The following FGD5 variants were observed in gnomAD, a reference collection of about 807,000 sequenced individuals.
FGD5 encodes the protein FYVE, RhoGEF and PH domain-containing protein 5.
FGD5 carries 28 observed loss-of-function variants against 133.4 expected under a neutral mutation model. That is an observed-to-expected ratio of 0.21 (90% CI 0.16 to 0.29). The LOEUF is 0.29. Among genes scored for constraint, FGD5 ranks in the 10% least tolerant of loss-of-function variants. FGD5 has a pLI of 1.00. For synonymous variants in FGD5, 810 were observed against 776.5 expected (o/e 1.04, Z -0.72); for missense variants, 1,858 against 1,895.2 (o/e 0.98, Z 0.36).
rs376172468 is a variant in FGD5, at chr3:14,933,110, C to A, written c.4353-21C>A. On this transcript the variant is annotated intron_variant, in intron 19 of 19. Coordinates refer to ENST00000285046, the MANE Select transcript of FGD5 (RefSeq NM_152536.4). ...TAGGCAGAGCCGCAAAACCAAATGTCCTCCCTGTTTTGTTTTATAGGTGGA... is the reference window on the plus strand; with the variant it reads ...TAGGCAGAGCCGCAAAACCAAATGTACTCCCTGTTTTGTTTTATAGGTGGA... 2.2e-4 allele frequency: 362 copies of A among 1,612,366 alleles called. 2 individuals carry two copies. In the African/African-American group the frequency reaches 4.2e-3, roughly 19 times the overall value.
chr3:14,839,470 A>G (rs999015899), intron 1 of FGD5, among the ~76,000 whole-genome samples: 9 of 152,150 alleles, frequency 5.9e-5, no homozygotes, highest in Non-Finnish European at 1.2e-4. Context: ...CACCTCCCCA[A>G]GATAATCTGA....
chr3:14,850,034 T>A (rs1227544556), intron 1 of FGD5, among the ~76,000 whole-genome samples: 1 of 152,198 alleles, frequency 6.6e-6, no homozygotes, highest in Non-Finnish European at 1.5e-5. Context: ...TGTGTGGTTA[T>A]TAAATTATAG....
At chr3:14,823,184 A>G (rs1315589687) in intron 1 of FGD5, among the ~76,000 whole-genome samples, 1 of 152,200 alleles carries the variant, frequency 6.6e-6, no homozygotes, top group African/African-American at 2.4e-5. Context: ...GACAAGACCC[A>G]TCCCCCAGCT....
chr3:14,832,351 C>T (rs950311738), intron 1 of FGD5, among the ~76,000 whole-genome samples: 10 of 152,036 alleles, frequency 6.6e-5, no homozygotes, highest in Non-Finnish European at 1.0e-4. Context: ...GAAAAACCAC[C>T]CTGAGACATA....
chr3:14,877,999 G>A (rs1222977036), intron 2 of FGD5, among the ~76,000 whole-genome samples: 1 of 152,220 alleles, frequency 6.6e-6, no homozygotes, highest in Non-Finnish European at 1.5e-5. Context: ...GAGAAACCCT[G>A]GGGTGGAAAA....
intron 1 of FGD5, 170 bp downstream of exon 1, chr3:14,821,766 G>C: frequency 1.0e-6 from 1 of 979,992 alleles, no homozygotes. Context: ...TACTTCATCC[G>C]TGAAATGGGA....
chr3:14,913,764 C>T (rs1304070562), intron 11 of FGD5, among the ~76,000 whole-genome samples: 3 of 152,194 alleles, frequency 2.0e-5, no homozygotes, highest in Admixed American at 6.5e-5. Flanking sequence ...CCTCGTCCTC[C>T]ACTTCATCTG....
chr3:14,821,627 G>T, intron 1 of FGD5, 31 bp downstream of exon 1: 4 of 1,524,860 alleles, frequency 2.6e-6, no homozygotes, highest in Non-Finnish European at 3.5e-6. Flanking sequence ...TTTCTTGTTC[G>T]GCAGCTGTAA....
rs542281518 is a variant in FGD5 at position 14,878,290 on chromosome 3, G to C, written c.2659-2282G>C. ...GAGGTCATACCATGAAACAGTGCTG[G>C]AGCTGGGTTTGAAATGGATGTGATT... On this transcript the variant is annotated intron_variant, in intron 2 of 19. Coordinates refer to ENST00000285046, the MANE Select transcript of FGD5 (RefSeq NM_152536.4). 5.3e-5 allele frequency among the ~76,000 whole-genome samples: 8 copies of C among 152,280 alleles called. No homozygotes were observed. In the East Asian group the frequency reaches 1.5e-3, roughly 29 times the overall value.
chr3:14,832,816 C>G (rs1398992671), intron 1 of FGD5, among the ~76,000 whole-genome samples: 1 of 152,068 alleles, frequency 6.6e-6, no homozygotes, highest in Non-Finnish European at 1.5e-5. Context: ...ACTTGGACAG[C>G]CTACAGAGAC....
chr3:14,871,777 G>A (rs1291842299), intron 2 of FGD5, among the ~76,000 whole-genome samples: 1 of 152,222 alleles, frequency 6.6e-6, no homozygotes, highest in Non-Finnish European at 1.5e-5. Context: ...TTCTGTGGCT[G>A]AGTTTCCTCA....
chr3:14,834,138 T>G (rs1181746466), intron 1 of FGD5, among the ~76,000 whole-genome samples: 1 of 152,228 alleles, frequency 6.6e-6, no homozygotes, highest in Non-Finnish European at 1.5e-5. Flanking sequence ...ATTGTCATGG[T>G]GGATAGAAGT....
chr3:14,926,323 T>A, intron 18 of FGD5, 125 bp downstream of exon 18: 1 of 1,314,094 alleles, frequency 7.6e-7, no homozygotes, highest in Non-Finnish European at 1.1e-6. Flanking sequence ...CTGGTGGCAG[T>A]CAAGTCTTTA....
At chr3:14,918,686 C>T in intron 12 of FGD5, 68 bp from the exon 13 acceptor site, 1 of 1,503,312 alleles carries the variant, frequency 6.7e-7, no homozygotes, top group Non-Finnish European at 9.2e-7. Flanking sequence ...CATCTGCTGC[C>T]AGGAGAAGCC....
At chr3:14,909,980 G>T (rs1047675104) in intron 10 of FGD5, among the ~76,000 whole-genome samples, 2 of 151,704 alleles carry the variant, frequency 1.3e-5, no homozygotes, top group Non-Finnish European at 2.9e-5. Context: ...TGGCCAGGCT[G>T]GTTTTGAACT....
chr3:14,886,879 T>C (rs1309087102), intron 4 of FGD5, among the ~76,000 whole-genome samples: 4 of 152,242 alleles, frequency 2.6e-5, no homozygotes, highest in Non-Finnish European at 4.4e-5. Context: ...GCTAATCCCA[T>C]TGTGGTTGGA....
chr3:14,811,679 C>T (rs536653160), intron 1 of FGD5, among the ~76,000 whole-genome samples: 31 of 152,280 alleles, frequency 2.0e-4, no homozygotes, highest in African/African-American at 7.0e-4. Context: ...AGGGATCCCT[C>T]CAGAGTAGTG....
At chr3:14,885,418 G>C (rs986037186) in intron 4 of FGD5, among the ~76,000 whole-genome samples, 3 of 152,156 alleles carry the variant, frequency 2.0e-5, no homozygotes, top group African/African-American at 7.2e-5. Flanking sequence ...CAAACCTTCT[G>C]TCCGCAGGTG....
intron 4 of FGD5, among the ~76,000 whole-genome samples, chr3:14,895,950 G>A (rs1020192878): frequency 2.6e-5 from 4 of 151,230 alleles, no homozygotes; most frequent in Non-Finnish European, 5.9e-5. Flanking sequence ...AGAATACAGA[G>A]TCAGCATACA....
Sources: gnomAD v4.1 joint callset for allele counts (sites outside exome capture counted in the v4.1 genomes callset) on GRCh38, gnomAD v4.1.1 for gene constraint, MANE v1.5 for transcripts, NCBI Gene and HGNC (gene_info 2026-07-23, HGNC 2026-07-21) for gene names.